The following ACTR3C variants were observed in gnomAD, a reference collection of about 807,000 sequenced individuals.
The protein encoded by ACTR3C is actin related protein 3C, also known as actin-related protein 3C.
A neutral mutation model predicts 26.3 loss-of-function variants in ACTR3C; 18 were observed. That is an observed-to-expected ratio of 0.68 (90% CI 0.47 to 1.01). ACTR3C has a LOEUF of 1.01. Ranked by LOEUF, ACTR3C falls within the 50% of genes least tolerant of loss-of-function variation. ACTR3C has a pLI of 0.00. For synonymous variants in ACTR3C, 55 were observed against 94.5 expected (o/e 0.58, Z 2.42); for missense variants, 184 against 250.7 (o/e 0.73, Z 1.80).
chr7:150,116,790 C>A, the ACTR3C span, among the ~76,000 whole-genome samples: 236 of 152,208 alleles, frequency 1.6e-3, 4 homozygotes, highest in East Asian at 0.033. Flanking sequence ...GGATTCCTGG[C>A]CAAAATGGCC....
chr7:150,299,484 AAAAAAAAAAAC>A (rs1795242846), intron 1 of ACTR3C, among the ~76,000 whole-genome samples: 5 of 145,096 alleles, frequency 3.4e-5, no homozygotes, highest in African/African-American at 8.2e-5. Flanking sequence ...AAAAAAAAAA[AAAAAAAAAAAC>A]AAAAAACAGG....
the ACTR3C span, among the ~76,000 whole-genome samples, chr7:150,125,942 C>T: frequency 6.6e-6 from 1 of 152,144 alleles, no homozygotes; most frequent in Non-Finnish European, 1.5e-5. Flanking sequence ...CTGCTGCAGG[C>T]TCGGTTCTGG....
the ACTR3C span, among the ~76,000 whole-genome samples, chr7:149,887,380 C>A: frequency 6.6e-6 from 1 of 152,144 alleles, no homozygotes; most frequent in Non-Finnish European, 1.5e-5. Context: ...CCTTATTAAC[C>A]TGCTTATTAC....
At chr7:150,202,328 T>A in the ACTR3C span, among the ~76,000 whole-genome samples, 273 of 152,346 alleles carry the variant, frequency 1.8e-3, 2 homozygotes, top group Admixed American at 3.1e-3. Context: ...CTTGTTTTTT[T>A]AAAAAACTTT....
chr7:150,118,726 T>C, the ACTR3C span, among the ~76,000 whole-genome samples: 1 of 140,524 alleles, frequency 7.1e-6, no homozygotes, highest in Non-Finnish European at 1.5e-5. Context: ...ATTCAGGAAA[T>C]ACAGAGAACA....
chr7:150,024,556 C>T, the ACTR3C span, among the ~76,000 whole-genome samples: 5 of 150,182 alleles, frequency 3.3e-5, no homozygotes, highest in African/African-American at 4.9e-5. Flanking sequence ...CAAGCCCAAG[C>T]CCTTGGGCTC....
chr7:150,250,073 C>T (rs1364729963), intron 6 of ACTR3C, among the ~76,000 whole-genome samples: 8 of 151,744 alleles, frequency 5.3e-5, no homozygotes, highest in Admixed American at 1.3e-4. Flanking sequence ...GCTGGAGCTT[C>T]GCAGAGGAAA....
chr7:149,888,339 A>G, the ACTR3C span, among the ~76,000 whole-genome samples: 1 of 152,230 alleles, frequency 6.6e-6, no homozygotes, highest in Non-Finnish European at 1.5e-5. Context: ...AGAGCTTTTA[A>G]TATTACAAGA....
At chr7:150,287,673 A>T (rs1460629266) in intron 4 of ACTR3C, among the ~76,000 whole-genome samples, 1 of 151,610 alleles carries the variant, frequency 6.6e-6, no homozygotes, top group African/African-American at 2.4e-5. Context: ...CATCCCTGAA[A>T]CATATTCTAA....
chr7:150,166,245 T>C, the ACTR3C span, among the ~76,000 whole-genome samples: 1 of 150,970 alleles, frequency 6.6e-6, no homozygotes, highest in African/African-American at 2.5e-5. Flanking sequence ...TGTAATTGTA[T>C]ATATTCTTGA....
the ACTR3C span, among the ~76,000 whole-genome samples, chr7:149,961,589 AGT>A: frequency 8.5e-5 from 13 of 152,104 alleles, no homozygotes; most frequent in African/African-American, 3.1e-4. Flanking sequence ...ATAGATAAGA[AGT>A]GTGTGCTCAC....
chr7:150,293,219 T>C (rs1329369183), intron 3 of ACTR3C, 93 bp downstream of exon 3: 15 of 1,543,102 alleles, frequency 9.7e-6, no homozygotes, highest in Non-Finnish European at 1.3e-5. Flanking sequence ...GTATTTTCAT[T>C]ACAGAAGAGG....
chr7:150,114,622 A>G, the ACTR3C span, among the ~76,000 whole-genome samples: 1 of 152,246 alleles, frequency 6.6e-6, no homozygotes, highest in African/African-American at 2.4e-5. Context: ...ACAAACGCGT[A>G]TCTATTTTCT....
chr7:150,275,223 G>T (rs3095090), intron 6 of ACTR3C, among the ~76,000 whole-genome samples: 3 of 152,160 alleles, frequency 2.0e-5, no homozygotes, highest in African/African-American at 7.2e-5. Flanking sequence ...AAAAAAGAGT[G>T]GGTATCGAAA....
chr7:150,302,326 CAG>C (rs1584970697), intron 1 of ACTR3C, among the ~76,000 whole-genome samples: 1 of 152,322 alleles, frequency 6.6e-6, no homozygotes, highest in East Asian at 1.9e-4. Flanking sequence ...GCACACTGTG[CAG>C]AGACTAATAA....
chr7:149,957,403 G>A, the ACTR3C span, among the ~76,000 whole-genome samples: 16 of 152,016 alleles, frequency 1.1e-4, no homozygotes, highest in Non-Finnish European at 1.5e-5. Flanking sequence ...GATGTTTCCA[G>A]AAGAGACTGG....
At chr7:150,125,983 T>C in the ACTR3C span, among the ~76,000 whole-genome samples, 2 of 152,356 alleles carry the variant, frequency 1.3e-5, no homozygotes, top group African/African-American at 4.8e-5. Flanking sequence ...TCTCTCTGGC[T>C]GAACTGGGCA....
chr7:149,904,539 ACAACAACAAC>A, the ACTR3C span, among the ~76,000 whole-genome samples: 16 of 92,960 alleles, frequency 1.7e-4, 1 homozygote, highest in Admixed American at 4.8e-4. Context: ...TCAAAAAACA[ACAACAACAAC>A]AAAAAAAACT....
the ACTR3C span, among the ~76,000 whole-genome samples, chr7:150,180,203 G>A: frequency 2.0e-5 from 3 of 150,058 alleles, no homozygotes; most frequent in Non-Finnish European, 4.4e-5. Context: ...TACTCGGGAG[G>A]CTGAGGCGGG....
Sources: gnomAD v4.1 joint callset for allele counts (sites outside exome capture counted in the v4.1 genomes callset) on GRCh38, gnomAD v4.1.1 for gene constraint, MANE v1.5 for transcripts, NCBI Gene and HGNC (gene_info 2026-07-23, HGNC 2026-07-21) for gene names.